Variants in KCNH1 observed in about 807,000 individuals in gnomAD.
The protein encoded by KCNH1 is potassium voltage-gated channel subfamily H member 1, also known as voltage-gated delayed rectifier potassium channel KCNH1.
In KCNH1, 27 loss-of-function variants were observed where a neutral mutation model predicts 69.2. The observed-to-expected ratio is 0.39, with a 90% CI of 0.29 to 0.54. The LOEUF is 0.54. KCNH1 is among the 20% of genes least tolerant of loss of function. KCNH1 has a pLI of 0.68. For synonymous variants in KCNH1, 456 were observed against 487.7 expected, an observed-to-expected ratio of 0.93 and a Z score of 0.86; for missense variants, 798 against 1,261.6, an observed-to-expected ratio of 0.63 and a Z score of 5.57.
chr1:210,984,009 T>G, intron 6 of KCNH1, among the ~76,000 whole-genome samples: 1 of 152,182 alleles, frequency 6.6e-6, no homozygotes, highest in East Asian at 1.9e-4. Context: ...GTTGGATTCC[T>G]AGGTATTTTA....
intron 7 of KCNH1, among the ~76,000 whole-genome samples, chr1:210,806,395 A>AT (rs138318986): frequency 3.5e-4 from 53 of 149,874 alleles, no homozygotes; most frequent in East Asian, 1.4e-3. Flanking sequence ...CCATTTTTCA[A>AT]TTTTTTTTTT....
chr1:210,700,315 A>G (rs1030432778), intron 10 of KCNH1, among the ~76,000 whole-genome samples: 4 of 152,190 alleles, frequency 2.6e-5, no homozygotes, highest in Non-Finnish European at 5.9e-5. Flanking sequence ...ACAACTCACA[A>G]GCTTCCACCA....
chr1:210,732,028 A>T (rs1204024628), intron 10 of KCNH1, among the ~76,000 whole-genome samples: 1 of 152,042 alleles, frequency 6.6e-6, no homozygotes, highest in Non-Finnish European at 1.5e-5. Context: ...CAGGCCCCTG[A>T]GCATCTCAGA....
chr1:210,894,772 G>A lies in KCNH1; in HGVS notation c.1462+24868C>T, dbSNP rs190696681. Among the ~76,000 whole-genome samples the A allele has an allele frequency of 3.2e-3, 483 of 152,288 alleles. 7 individuals carry two copies. Among genetic ancestry groups the A allele is most frequent in the African/African-American group, 0.011 (447 of 41,550 alleles). ...CCTCTGCCATATTATGATGCATCAT[G>A]AAGGCCCTAACAAGATGCCAGCACC... On this transcript the variant is annotated intron_variant, in intron 7 of 10. Coordinates refer to ENST00000271751, the MANE Select transcript of KCNH1 (RefSeq NM_172362.3).
At chr1:210,935,953 C>T (rs1304827287) in intron 6 of KCNH1, among the ~76,000 whole-genome samples, 1 of 152,230 alleles carries the variant, frequency 6.6e-6, no homozygotes, top group African/African-American at 2.4e-5. Flanking sequence ...CTAAATAAAG[C>T]ATTCCTTTAA....
chr1:211,090,233 T>A (rs1691028408), intron 4 of KCNH1, among the ~76,000 whole-genome samples: 1 of 152,230 alleles, frequency 6.6e-6, no homozygotes, highest in South Asian at 2.1e-4. Context: ...ACCTCATTGG[T>A]ATGACTGACA....
intron 7 of KCNH1, among the ~76,000 whole-genome samples, chr1:210,877,683 GAAAATAT>G (rs1329974971): frequency 1.3e-5 from 2 of 152,066 alleles, no homozygotes; most frequent in African/African-American, 4.8e-5. Context: ...ACCTTCTGAA[GAAAATAT>G]AAAGATATCT....
intron 5 of KCNH1, among the ~76,000 whole-genome samples, chr1:211,020,953 ACT>A (rs1252069376): frequency 2.0e-5 from 3 of 151,584 alleles, no homozygotes. Flanking sequence ...GATAAAAAAA[ACT>A]CAACAAATGA....
At chr1:211,046,428 C>A (rs1228665593) in intron 5 of KCNH1, among the ~76,000 whole-genome samples, 1 of 152,068 alleles carries the variant, frequency 6.6e-6, no homozygotes, top group Non-Finnish European at 1.5e-5. Flanking sequence ...TCCCCAGGAG[C>A]GAGGGTGTTA....
At chr1:210,859,825 C>A in intron 7 of KCNH1, 4 of 1,072,632 alleles carry the variant, frequency 3.7e-6, no homozygotes, top group Admixed American at 3.4e-5. Context: ...ATCATTAAGC[C>A]ACTAATAAAA....
At chr1:210,859,920 G>C (rs552735493) in intron 7 of KCNH1, 1 of 1,439,362 alleles carries the variant, frequency 6.9e-7, no homozygotes, top group African/African-American at 1.4e-5. Flanking sequence ...ATGTAAAGCT[G>C]CAATTGCAAC....
Position 210,816,272 on chromosome 1 carries a change from G to A in KCNH1, c.1463-12106C>T, listed in dbSNP as rs143195440. Among the ~76,000 whole-genome samples, 666 of 152,272 alleles carry A rather than the reference G, an allele frequency of 4.4e-3. 12 individuals are homozygous for A. Among genetic ancestry groups the A allele is most frequent in the African/African-American group, 0.015 (622 of 41,558 alleles). The stretch of plus-strand genomic sequence containing the variant: ...TCCTACACCACATTCAAACTCGGCC[G>A]TGTTGGTGAATGTCACTTAACAAGC... On this transcript the variant is annotated intron_variant, in intron 7 of 10. Coordinates refer to ENST00000271751, the MANE Select transcript of KCNH1 (RefSeq NM_172362.3).
intron 10 of KCNH1, among the ~76,000 whole-genome samples, chr1:210,765,660 G>A (rs1326322973): frequency 1.3e-5 from 2 of 152,132 alleles, no homozygotes; most frequent in Non-Finnish European, 2.9e-5. Flanking sequence ...GCCTGGGGGA[G>A]AGAAAAAGAA....
intron 10 of KCNH1, among the ~76,000 whole-genome samples, chr1:210,714,534 A>G (rs1682173187): frequency 6.6e-6 from 1 of 152,152 alleles, no homozygotes; most frequent in Admixed American, 6.5e-5. Flanking sequence ...ACGTGCAATG[A>G]GCTTGTGACA....
chr1:210,942,341 C>T (rs987420264), intron 6 of KCNH1, among the ~76,000 whole-genome samples: 1 of 152,112 alleles, frequency 6.6e-6, no homozygotes, highest in Non-Finnish European at 1.5e-5. Context: ...GACCAGGCCC[C>T]CTGTGACCCC....
intron 6 of KCNH1, among the ~76,000 whole-genome samples, chr1:210,989,403 G>A (rs1372107351): frequency 6.6e-6 from 1 of 152,156 alleles, no homozygotes; most frequent in Non-Finnish European, 1.5e-5. Context: ...CTCCTCAGCT[G>A]GGATATACGC....
Position 211,134,026 on chromosome 1 carries a change from C to T in KCNH1, c.-81G>A, listed in dbSNP as rs1254136392. On this transcript the variant is annotated 5_prime_UTR_variant, in exon 1 of 11. Transcript: ENST00000271751. This position sits in a 1 kb window ranked among gnomAD's most constrained non-coding sequence, Gnocchi z 5.7. ...GGAAACTGGCCTCGGGGCCCGCACG[C>T]AGTCCCGGCTCGAAGCGCCCCATGC... 5.4e-6 allele frequency: 7 copies of T among 1,290,042 alleles called. No individual in the cohort carries two copies. Among genetic ancestry groups the T allele is most frequent in the African/African-American group, 4.4e-5 (3 of 67,444 alleles). The allele number at this position is 1,290,042 out of a possible 1,614,324, so 79.9% of individuals were successfully genotyped here.
chr1:211,083,934 T>C lies in KCNH1; in HGVS notation c.440-1036A>G, dbSNP rs545237051. 3.3e-5 allele frequency among the ~76,000 whole-genome samples: 5 copies of C among 152,354 alleles called. No homozygotes were observed. In the East Asian group the frequency reaches 9.6e-4, roughly 29 times the overall value. Reference sequence around the variant, plus strand: ...CCATATTTTATTTTTCTACACAACCTATGAGAATCATAAACTGGATAAATT... The same window carrying C: ...CCATATTTTATTTTTCTACACAACCCATGAGAATCATAAACTGGATAAATT... On this transcript the variant is annotated intron_variant, in intron 4 of 10. Coordinates refer to ENST00000271751, the MANE Select transcript of KCNH1 (RefSeq NM_172362.3).
chr1:210,749,172 A>G (rs1475520019), intron 10 of KCNH1, among the ~76,000 whole-genome samples: 2 of 152,240 alleles, frequency 1.3e-5, no homozygotes, highest in Admixed American at 1.3e-4. Flanking sequence ...GCCCCTCAAA[A>G]AGAATCCTAA....
Sources: allele counts gnomAD v4.1 joint callset (sites outside exome capture counted in the v4.1 genomes callset), GRCh38; gene constraint gnomAD v4.1.1; non-coding constraint Gnocchi (gnomAD v3.1); transcripts MANE v1.5; gene names NCBI Gene and HGNC (gene_info 2026-07-23, HGNC 2026-07-21).